Variants in CACNA1H observed in about 807,000 individuals in gnomAD.
CACNA1H encodes the protein calcium voltage-gated channel subunit alpha1 H, also known as voltage-dependent T-type calcium channel subunit alpha-1H.
Under a neutral mutation model 192.5 loss-of-function variants are expected in CACNA1H, and 149 were observed. That is an observed-to-expected ratio of 0.77 (90% CI 0.68 to 0.89). The LOEUF (loss-of-function observed/expected upper bound fraction) is 0.89. Among genes scored for constraint, CACNA1H ranks in the 40% least tolerant of loss-of-function variants. The pLI is 0.00. For missense variants in CACNA1H, 4,257 were observed against 3,423.5 expected, an observed-to-expected ratio of 1.24 and a Z score of -6.08; for synonymous variants, 2,202 against 1,475.2, an observed-to-expected ratio of 1.49 and a Z score of -11.29.
intron 26 of CACNA1H, among the ~76,000 whole-genome samples, chr16:1,212,834 A>G (rs886080866): frequency 1.3e-4 from 20 of 152,336 alleles, no homozygotes; most frequent in Admixed American, 1.2e-3. Context: ...TTGCTGGTCC[A>G]GCCTGACTGG....
At chr16:1,190,172 G>A (rs186168556) in intron 2 of CACNA1H, among the ~76,000 whole-genome samples, 56 of 152,350 alleles carry the variant, frequency 3.7e-4, no homozygotes, top group African/African-American at 1.2e-3. Flanking sequence ...TTCCCTGACC[G>A]TTCTGCCGCC....
chr16:1,170,117 G>C (rs1428984967), intron 2 of CACNA1H, among the ~76,000 whole-genome samples: 3 of 152,244 alleles, frequency 2.0e-5, no homozygotes, highest in African/African-American at 7.2e-5. Context: ...AGCAGCTGGG[G>C]GGTGCAGGGT....
rs1377341381 is a variant in CACNA1H, at chr16:1,219,057, G to A, written c.5975G>A (p.Gly1992Asp). Reference protein sequence around the residue: ...PLAVSSPARSGEPLHALSPRG... With the variant: ...PLAVSSPARSDEPLHALSPRG... ...GCTGTGTCGTCCCCAGCCAGGAGCGGCGAGCCCCTCCACGCCCTGTCCCCT... is the reference window on the plus strand; with the variant it reads ...GCTGTGTCGTCCCCAGCCAGGAGCGACGAGCCCCTCCACGCCCTGTCCCCT... The change falls in exon 34 of 35, where the codon GGC becomes GAC. Residue 1992 changes from glycine (G) to aspartate (D), a missense_variant. Physicochemically the swap from Gly to Asp is moderately conservative, Grantham distance 94. Coordinates refer to ENST00000348261, the MANE Select transcript of CACNA1H (RefSeq NM_021098.3). The A allele has an allele frequency of 1.9e-6, 3 of 1,549,804 alleles. No homozygotes were observed. Among genetic ancestry groups the A allele is most frequent in the Non-Finnish European group, 2.6e-6 (3 of 1,146,844 alleles).
rs1482045966 is a variant in CACNA1H at position 1,200,459 on chromosome 16, C to T, written c.1007C>T (p.Ala336Val). 2.5e-6 allele frequency: 4 copies of T among 1,611,762 alleles called. No homozygotes were observed. The highest frequency in any genetic ancestry group is 2.5e-6 in the Non-Finnish European group (3 of 1,179,694). ...QAEGVGAARN[A>V]CINWNQYYNV... Reference sequence around the variant, plus strand: ...GAGGGGGTGGGCGCTGCACGCAACGCCTGCATCAACTGGAACCAGTACTAC... The same window carrying T: ...GAGGGGGTGGGCGCTGCACGCAACGTCTGCATCAACTGGAACCAGTACTAC... The change falls in exon 7 of 35, where the codon GCC becomes GTC. Residue 336 changes from alanine (A) to valine (V), a missense_variant. Transcript: ENST00000348261.
At chr16:1,216,633 C>T (rs1398703979) in intron 30 of CACNA1H, among the ~76,000 whole-genome samples, 1 of 152,210 alleles carries the variant, frequency 6.6e-6, no homozygotes, top group Non-Finnish European at 1.5e-5. Flanking sequence ...GGAGTGGGCT[C>T]TGGGCCAGAG....
intron 9 of CACNA1H, among the ~76,000 whole-genome samples, chr16:1,202,987 T>C (rs1265500578): frequency 1.3e-5 from 2 of 151,856 alleles, no homozygotes; most frequent in Non-Finnish European, 2.9e-5. Flanking sequence ...AATGGGAGAC[T>C]CCAGGGCCCC....
At chr16:1,189,520 G>A (rs1422156386) in intron 2 of CACNA1H, among the ~76,000 whole-genome samples, 1 of 146,374 alleles carries the variant, frequency 6.8e-6, no homozygotes, top group Non-Finnish European at 1.5e-5. Context: ...GGGGTCAAGC[G>A]ATCCTCCCAC....
At chr16:1,181,955 C>T (rs1176296696) in intron 2 of CACNA1H, among the ~76,000 whole-genome samples, 1 of 149,766 alleles carries the variant, frequency 6.7e-6, no homozygotes, top group African/African-American at 2.5e-5. Context: ...CCCCCTCGCA[C>T]ACGCATGCCC....
chr16:1,209,140 G>A lies in CACNA1H; in HGVS notation c.3472G>A (p.Gly1158Ser), dbSNP rs556556052. 80 of 1,553,214 alleles carry A rather than the reference G, an allele frequency of 5.2e-5. No homozygotes were observed. The highest frequency in any genetic ancestry group is 1.9e-4 in the Admixed American group (10 of 51,492). ...LGRAPSLKRR[G>S]QCGERESLLS... ...CCGTGCCCCCAGCCTCAAGCGCCGC[G>A]GCCAGTGTGGGGAACGTGAGTCCCT... is the stretch of plus-strand genomic sequence containing the variant. The change falls in exon 17 of 35, where the codon GGC becomes AGC. Residue 1158 changes from glycine (G) to serine (S), a missense_variant. Coordinates refer to ENST00000348261, the MANE Select transcript of CACNA1H (RefSeq NM_021098.3).
intron 2 of CACNA1H, among the ~76,000 whole-genome samples, chr16:1,176,023 C>T (rs117751672): frequency 6.6e-6 from 1 of 152,208 alleles, no homozygotes; most frequent in South Asian, 2.1e-4. Flanking sequence ...CAACCCCGTT[C>T]GTGGAGGCGC....
chr16:1,162,420 C>T (rs1208968382), intron 2 of CACNA1H, among the ~76,000 whole-genome samples: 11 of 152,296 alleles, frequency 7.2e-5, no homozygotes, highest in East Asian at 3.9e-4. Context: ...AGGTGCTTGA[C>T]GCAGTAACAG....
In CACNA1H at chr16:1,209,920, G is replaced by A. The variant is rs1969221200; in HGVS notation, c.3745-115G>A. 24 of 761,360 alleles carry A rather than the reference G, an allele frequency of 3.2e-5. No individual in the cohort carries two copies. The South Asian group carries it at 4.0e-4, about 13-fold the overall frequency. The allele number at this position is 761,360 out of a possible 1,614,324, so 47.2% of individuals were successfully genotyped here. On this transcript the variant is annotated intron_variant, in intron 17 of 34. Transcript: ENST00000348261. ...CAAAGGCCAGCGGGTGAGGAGTGAG[G>A]ATGGAGAAGGCTGAGAAGGTGCTGG... is the stretch of plus-strand genomic sequence containing the variant.
chr16:1,200,887 C>A, intron 8 of CACNA1H, 79 bp downstream of exon 8: 3 of 1,012,006 alleles, frequency 3.0e-6, no homozygotes, highest in Non-Finnish European at 3.0e-6. Context: ...CCTGGGTGGT[C>A]ATAGGGGCTC....
rs1340200349 is a variant in CACNA1H at position 1,188,990 on chromosome 16, C to T, written c.300-5982C>T. The stretch of plus-strand genomic sequence containing the variant: ...AGCTGGGCCCCTTGGAGGGCCCCCC[C>T]AGGTCCTGAGAGCTGAGGGGCTTCT... On this transcript the variant is annotated intron_variant, in intron 2 of 34. Coordinates refer to ENST00000348261, the MANE Select transcript of CACNA1H (RefSeq NM_021098.3). Among the ~76,000 whole-genome samples the T allele has an allele frequency of 2.6e-5, 4 of 152,144 alleles. No homozygotes were observed. In the East Asian group the frequency reaches 7.7e-4, roughly 29 times the overall value.
chr16:1,215,208 C>G (rs1310647967), intron 28 of CACNA1H, 34 bp from the exon 29 acceptor site: 4 of 1,589,222 alleles, frequency 2.5e-6, no homozygotes, highest in Non-Finnish European at 3.4e-6. Context: ...AGGCGGGGAC[C>G]CCAGACGTGT....
chr16:1,198,340 C>G (rs1176206645), intron 5 of CACNA1H, among the ~76,000 whole-genome samples: 1 of 152,180 alleles, frequency 6.6e-6, no homozygotes, highest in African/African-American at 2.4e-5. Flanking sequence ...GACCTGCTGC[C>G]CTGGGATGGT....
In CACNA1H at chr16:1,206,085, C is replaced by G; in HGVS notation, c.2604-19C>G. Reference sequence around the variant, plus strand: ...CAGGGATCGTGGCCCCGCTGACCCTCGCCCCCACCTGTCCGCAGCGTCTGG... The same window carrying G: ...CAGGGATCGTGGCCCCGCTGACCCTGGCCCCCACCTGTCCGCAGCGTCTGG... On this transcript the variant is annotated intron_variant, in intron 11 of 34. Transcript: ENST00000348261. 1 of 1,548,784 alleles carries G rather than the reference C, an allele frequency of 6.5e-7. No homozygotes were observed. Among genetic ancestry groups the G allele is most frequent in the Admixed American group, 1.9e-5 (1 of 53,234 alleles).
intron 2 of CACNA1H, among the ~76,000 whole-genome samples, chr16:1,193,333 A>C (rs907089603): frequency 2.6e-5 from 4 of 152,244 alleles, no homozygotes; most frequent in African/African-American, 9.6e-5. Flanking sequence ...CCCTTGCACT[A>C]GTGCCGGGTC....
chr16:1,201,195 G>A (rs1036004229), intron 8 of CACNA1H, among the ~76,000 whole-genome samples: 1 of 152,150 alleles, frequency 6.6e-6, no homozygotes, highest in South Asian at 2.1e-4. Flanking sequence ...GGGGTCCTAG[G>A]TATACCTAGA....
Sources: allele counts gnomAD v4.1 joint callset (sites outside exome capture counted in the v4.1 genomes callset), GRCh38; gene constraint gnomAD v4.1.1; transcripts MANE v1.5; gene names NCBI Gene and HGNC (gene_info 2026-07-23, HGNC 2026-07-21).